HACD2: variants seen among roughly 807,000 people sequenced by gnomAD.
HACD2 encodes very-long-chain (3R)-3-hydroxyacyl-CoA dehydratase 2.
HACD2 carries 15 observed loss-of-function variants against 31.0 expected under a neutral mutation model. That is an observed-to-expected ratio of 0.48 (90% CI 0.32 to 0.75). The LOEUF is 0.75. Ranked by LOEUF, HACD2 falls within the 30% of genes least tolerant of loss-of-function variation. The pLI, the probability that HACD2 is intolerant of heterozygous loss-of-function variation, is 0.03. For missense variants in HACD2, 283 were observed against 313.0 expected, an observed-to-expected ratio of 0.90 and a Z score of 0.72; for synonymous variants, 115 against 122.2, an observed-to-expected ratio of 0.94 and a Z score of 0.39.
chr3:123,562,375 C>T (rs776566376), intron 3 of HACD2, among the ~76,000 whole-genome samples: 24 of 152,082 alleles, frequency 1.6e-4, no homozygotes, highest in Non-Finnish European at 3.2e-4. Context: ...GTGAGCAAGA[C>T]GCAACCCCAA....
At chr3:123,533,478 A>G (rs2056390255) in intron 3 of HACD2, among the ~76,000 whole-genome samples, 1 of 152,224 alleles carries the variant, frequency 6.6e-6, no homozygotes, top group African/African-American at 2.4e-5. Context: ...CTTGCAGTCA[A>G]TCCCACTGTT....
In HACD2 at chr3:123,494,156, A is replaced by C. The variant is rs1262445318; in HGVS notation, c.*732T>G. The C allele has an allele frequency of 6.6e-6, 1 of 152,238 alleles. No individual in the cohort carries two copies. The highest frequency in any genetic ancestry group is 2.4e-5 in the African/African-American group (1 of 41,440). 9.4% of individuals were successfully genotyped at this position (152,238 alleles called of 1,614,324 possible). On this transcript the variant is annotated 3_prime_UTR_variant, in exon 7 of 7. Coordinates refer to ENST00000383657, the MANE Select transcript of HACD2 (RefSeq NM_198402.5). ...CCTTTCTGAGACCTGTCATTTTGTT[A>C]AGACATGATTGAGGCTGAGCTCCAG... is the stretch of plus-strand genomic sequence containing the variant.
intron 3 of HACD2, among the ~76,000 whole-genome samples, chr3:123,546,071 AC>A (rs1418737580): frequency 2.0e-5 from 3 of 152,096 alleles, no homozygotes; most frequent in East Asian, 1.9e-4. Flanking sequence ...TTATTCAAGT[AC>A]CCCTTATTAT....
At chr3:123,510,404 C>T (rs1057245294) in intron 4 of HACD2, among the ~76,000 whole-genome samples, 5 of 152,130 alleles carry the variant, frequency 3.3e-5, no homozygotes, top group African/African-American at 9.7e-5. Flanking sequence ...CCCACCAACA[C>T]GCCCAGCTAA....
At position 123,549,476 on chromosome 3, in the gene HACD2, G is replaced by A. The variant is rs62264563; in HGVS notation, c.292+18286C>T. ...AAGCACCAAGATCAGGGCTGGGAGC[G>A]GTGGCTCATGTCTGTAATCCCAGCA... On this transcript the variant is annotated intron_variant, in intron 3 of 6. Transcript: ENST00000383657. Among the ~76,000 whole-genome samples, 763 of 152,222 alleles carry A rather than the reference G, an allele frequency of 5.0e-3. 4 individuals carry two copies. Among genetic ancestry groups the A allele is most frequent in the Non-Finnish European group, 8.1e-3 (551 of 68,018 alleles).
intron 4 of HACD2, among the ~76,000 whole-genome samples, chr3:123,523,241 A>G (rs554525563): frequency 4.0e-4 from 61 of 152,196 alleles, no homozygotes; most frequent in Non-Finnish European, 8.2e-4. Flanking sequence ...TTTGGCTTCT[A>G]CAAGAGTTGA....
intron 4 of HACD2, among the ~76,000 whole-genome samples, chr3:123,511,942 CT>C (rs2056069044): frequency 6.6e-6 from 1 of 152,168 alleles, no homozygotes; most frequent in Non-Finnish European, 1.5e-5. Context: ...TTGCCACCCC[CT>C]AGCTCCTCTT....
At chr3:123,533,334 A>G (rs1307785309) in intron 3 of HACD2, among the ~76,000 whole-genome samples, 1 of 152,166 alleles carries the variant, frequency 6.6e-6, no homozygotes, top group Non-Finnish European at 1.5e-5. Context: ...TTTTTAGCAG[A>G]GACAGGGTTT....
At chr3:123,553,102 T>A (rs2056637227) in intron 3 of HACD2, among the ~76,000 whole-genome samples, 1 of 152,176 alleles carries the variant, frequency 6.6e-6, no homozygotes, top group Non-Finnish European at 1.5e-5. Flanking sequence ...ATCTACATAC[T>A]GAAAGGGCCT....
At position 123,507,069 on chromosome 3, in the gene HACD2, C is replaced by A. The variant is rs565904493; in HGVS notation, c.382-4388G>T. Among the ~76,000 whole-genome samples, 6 of 152,148 alleles carry A rather than the reference C, an allele frequency of 3.9e-5. No individual in the cohort carries two copies. In the East Asian group the frequency reaches 1.2e-3, roughly 29 times the overall value. Reference sequence around the variant, plus strand: ...GGCCAGGAGCTGCGATCAGCCTGGGCAGCATAGTGAGATTCCGTTTCTACA... The same window carrying A: ...GGCCAGGAGCTGCGATCAGCCTGGGAAGCATAGTGAGATTCCGTTTCTACA... On this transcript the variant is annotated intron_variant, in intron 4 of 6. Transcript: ENST00000383657.
chr3:123,578,469 C>T (rs1469780430), intron 2 of HACD2, among the ~76,000 whole-genome samples: 1 of 152,026 alleles, frequency 6.6e-6, no homozygotes, highest in Non-Finnish European at 1.5e-5. Context: ...TGGGGTCTCG[C>T]TATGTTTCCC....
chr3:123,502,781 G>T, intron 4 of HACD2, 100 bp from the exon 5 acceptor site: 2 of 1,261,560 alleles, frequency 1.6e-6, no homozygotes, highest in Non-Finnish European at 1.1e-6. Context: ...CGGCACAGCC[G>T]CTGGTCTCTA....
Position 123,584,973 on chromosome 3 carries a change from T to TCCC in HACD2, c.54_55insGGG (p.Gly18dup), listed in dbSNP as rs764129554. 5 of 1,483,962 alleles carry TCCC rather than the reference T, an allele frequency of 3.4e-6. No homozygotes were observed. In the Admixed American group the frequency reaches 8.3e-5, roughly 25 times the overall value. 91.9% of individuals were successfully genotyped at this position (1,483,962 alleles called of 1,614,324 possible). A position where few individuals can be genotyped will look rare whatever the true frequency, so the allele number is the denominator to read the frequency against. On this transcript the variant is annotated inframe_insertion, in exon 1 of 7. Coordinates refer to ENST00000383657, the MANE Select transcript of HACD2 (RefSeq NM_198402.5). ...CCGCTGGCGTCCCCGGCCCCGGCCC[T>TCCC]GCCACCGCCGCCCCCATTCCCCTTC...
chr3:123,550,065 T>TC (rs2056601935), intron 3 of HACD2, among the ~76,000 whole-genome samples: 1 of 152,120 alleles, frequency 6.6e-6, no homozygotes, highest in Non-Finnish European at 1.5e-5. Context: ...TCCCAACACT[T>TC]TGAGAGGCTG....
intron 4 of HACD2, among the ~76,000 whole-genome samples, chr3:123,505,344 T>A (rs2055961534): frequency 6.6e-6 from 1 of 152,156 alleles, no homozygotes; most frequent in African/African-American, 2.4e-5. Context: ...GTGATGATGG[T>A]TGCACAACAA....
intron 2 of HACD2, among the ~76,000 whole-genome samples, chr3:123,569,714 A>G (rs2107750151): frequency 6.6e-6 from 1 of 150,788 alleles, no homozygotes; most frequent in East Asian, 2.1e-4. Context: ...CTGGCCAGGC[A>G]TGGTGGCTCA....
chr3:123,500,758 C>A, intron 5 of HACD2, 65 bp from the exon 6 acceptor site: 1 of 1,059,874 alleles, frequency 9.4e-7, no homozygotes, highest in South Asian at 1.6e-5. Flanking sequence ...GCTGCACTTC[C>A]CACCCTTCTA....
intron 1 of HACD2, among the ~76,000 whole-genome samples, chr3:123,584,169 T>G (rs1278257042): frequency 6.6e-6 from 1 of 152,136 alleles, no homozygotes; most frequent in African/African-American, 2.4e-5. Flanking sequence ...GTCACACAGC[T>G]AGTTAGTGGC....
chr3:123,570,101 T>C (rs748872661), intron 2 of HACD2, among the ~76,000 whole-genome samples: 1 of 150,488 alleles, frequency 6.6e-6, no homozygotes, highest in Non-Finnish European at 1.5e-5. Context: ...CTAGCATGTC[T>C]TCTTTGCATG....
Sources: gnomAD v4.1 joint callset for allele counts (sites outside exome capture counted in the v4.1 genomes callset) on GRCh38, gnomAD v4.1.1 for gene constraint, MANE v1.5 for transcripts, NCBI Gene and HGNC (gene_info 2026-07-23, HGNC 2026-07-21) for gene names.